GPRC5D: variants seen among roughly 807,000 people sequenced by gnomAD.
GPRC5D encodes G protein-coupled receptor class C group 5 member D.
A neutral mutation model predicts 29.3 loss-of-function variants in GPRC5D; 20 were observed. That is an observed-to-expected ratio of 0.68 (90% CI 0.48 to 0.99). The LOEUF (loss-of-function observed/expected upper bound fraction) is 0.99, where lower values mean the gene tolerates loss of function less well. GPRC5D is among the 50% of genes least tolerant of loss of function. The pLI, the probability that GPRC5D is intolerant of heterozygous loss-of-function variation, is 0.00. For missense variants in GPRC5D, 384 were observed against 423.6 expected (o/e 0.91, Z 0.82); for synonymous variants, 178 against 171.3 (o/e 1.04, Z -0.30).
At chr12:12,943,805 CA>C (rs1863209629) in intron 1 of GPRC5D, among the ~76,000 whole-genome samples, 1 of 152,190 alleles carries the variant, frequency 6.6e-6, no homozygotes, top group Non-Finnish European at 1.5e-5. Context: ...ACCAGATCAT[CA>C]GTTAGAAAAG....
At chr12:12,946,436 TTCTCTC>T (rs67343880) in intron 1 of GPRC5D, among the ~76,000 whole-genome samples, 6 of 142,438 alleles carry the variant, frequency 4.2e-5, no homozygotes, top group Admixed American at 7.1e-5. Context: ...CTTTCTCTCT[TTCTCTC>T]TCTCTCTCTC....
At chr12:12,948,743 T>C (rs1863415632) in intron 1 of GPRC5D, among the ~76,000 whole-genome samples, 1 of 152,350 alleles carries the variant, frequency 6.6e-6, no homozygotes, top group South Asian at 2.1e-4. Context: ...CTTGTTGCCA[T>C]GGATAATGTA....
At chr12:12,948,751 G>A (rs1863415870) in intron 1 of GPRC5D, among the ~76,000 whole-genome samples, 1 of 152,168 alleles carries the variant, frequency 6.6e-6, no homozygotes. Context: ...CATGGATAAT[G>A]TATTTTATTC....
chr12:12,949,620 C>T (rs752399230), exon 1 of GPRC5D: 4 of 1,614,192 alleles, frequency 2.5e-6, no homozygotes, highest in Non-Finnish European at 3.4e-6. Context: ...CGATGTACAG[C>T]AGCAGGAAAA....
At chr12:12,944,829 C>CTT (rs1863247481) in intron 1 of GPRC5D, among the ~76,000 whole-genome samples, 5 of 9,662 alleles carry the variant, frequency 5.2e-4, no homozygotes, top group East Asian at 5.2e-3. Flanking sequence ...TTCCTTCCTT[C>CTT]CTTCCTTCCT....
rs1477438810 is a variant in GPRC5D at position 12,940,795 on chromosome 12, G to A, written c.1018C>T (p.Gln340Ter). 1 of 1,605,306 alleles carries A rather than the reference G, an allele frequency of 6.2e-7. No individual in the cohort carries two copies. Among genetic ancestry groups the A allele is most frequent in the Non-Finnish European group, 8.5e-7 (1 of 1,172,006 alleles). ...TAGATTTATACTCCTCCTGCATCTT[G>A]CTGGGGGCTTAGTTTAGCCTGTGGG... The change falls in exon 3 of 3, where the codon CAA becomes TAA. Residue 340 changes from glutamine to a stop codon, truncating the protein, a stop_gained. Transcript: ENST00000228887. LOFTEE classifies it high-confidence loss of function.
chr12:12,945,266 A>G (rs1228049533), intron 1 of GPRC5D, among the ~76,000 whole-genome samples: 2 of 152,084 alleles, frequency 1.3e-5, no homozygotes, highest in African/African-American at 2.4e-5. Context: ...CGGCCTCCCA[A>G]AGTGCTGGGA....
chr12:12,946,009 A>G (rs1028484901), intron 1 of GPRC5D, among the ~76,000 whole-genome samples: 3 of 152,208 alleles, frequency 2.0e-5, no homozygotes, highest in Non-Finnish European at 4.4e-5. Flanking sequence ...ATGTTTTTGT[A>G]TCTTAAAATT....
intron 1 of GPRC5D, among the ~76,000 whole-genome samples, chr12:12,943,780 C>T (rs1863208966): frequency 6.6e-6 from 1 of 152,164 alleles, no homozygotes; most frequent in Non-Finnish European, 1.5e-5. Context: ...AACTTTCAGC[C>T]AACATTCTCA....
In GPRC5D at chr12:12,944,964, TTTCC is replaced by T. The variant is rs1208870376; in HGVS notation, c.896-2640_896-2637del. Among the ~76,000 whole-genome samples, 55 of 145,842 alleles carry T rather than the reference TTTCC, an allele frequency of 3.8e-4. 1 individual carries two copies. Among genetic ancestry groups the T allele is most frequent in the Admixed American group, 2.1e-3 (29 of 14,054 alleles). On this transcript the variant is annotated intron_variant, in intron 1 of 2. Transcript: ENST00000228887. ...CTTTCTTTCCTTTTCTTTCCTTTTC[TTTCC>T]TTTTCTTTTTCTCTCTCTCTCTTTC...
At chr12:12,943,939 G>A (rs1242926296) in intron 1 of GPRC5D, among the ~76,000 whole-genome samples, 1 of 152,144 alleles carries the variant, frequency 6.6e-6, no homozygotes, top group Non-Finnish European at 1.5e-5. Context: ...CCATTTATCT[G>A]TGGAGAAGGC....
At chr12:12,942,313 C>G (rs1863174049) in exon 2 of GPRC5D, 9 of 1,612,714 alleles carry the variant, frequency 5.6e-6, no homozygotes, top group Non-Finnish European at 7.6e-6. Context: ...CTCCTCAGCT[C>G]CATCACTGTC....
At chr12:12,950,109 G>T in exon 1 of GPRC5D, 1 of 1,614,146 alleles carries the variant, frequency 6.2e-7, no homozygotes, top group South Asian at 1.1e-5. Flanking sequence ...AGAGAAAGTA[G>T]CGTACGGGGG....
chr12:12,949,459 T>A (rs1592377765), intron 1 of GPRC5D, 31 bp downstream of exon 2: 2 of 1,566,012 alleles, frequency 1.3e-6, no homozygotes, highest in East Asian at 4.5e-5. Flanking sequence ...TAGGAGCACC[T>A]CCCTGCTCCC....
At chr12:12,944,885 C>CTTTCTTTCTT (rs1863264030) in intron 1 of GPRC5D, among the ~76,000 whole-genome samples, 1 of 127,504 alleles carries the variant, frequency 7.8e-6, no homozygotes, top group Non-Finnish European at 1.7e-5. Context: ...TTCTTTCTTT[C>CTTTCTTTCTT]TTTCTTTCTT....
chr12:12,948,826 A>G (rs922453862), intron 1 of GPRC5D, among the ~76,000 whole-genome samples: 3 of 152,226 alleles, frequency 2.0e-5, no homozygotes, highest in African/African-American at 7.2e-5. Context: ...TGAAAATGTC[A>G]CATAAGCAAG....
upstream of GPRC5D, among the ~76,000 whole-genome samples, chr12:12,950,750 T>G (rs1044512788): frequency 2.6e-5 from 4 of 151,812 alleles, no homozygotes; most frequent in Non-Finnish European, 5.9e-5. Flanking sequence ...GAGTTTACAT[T>G]GAGCCGAGAT....
upstream of GPRC5D, chr12:12,950,506 TTAAAAG>T: frequency 1.4e-6 from 1 of 704,288 alleles, no homozygotes; most frequent in Non-Finnish European, 2.4e-6. Context: ...CTTTTTGCTA[TTAAAAG>T]TAATGGCAAG....
At chr12:12,948,382 G>C (rs1316292069) in intron 1 of GPRC5D, 1 of 154,266 alleles carries the variant, frequency 6.5e-6, no homozygotes, top group Non-Finnish European at 1.5e-5. Context: ...GAACTGAAAA[G>C]AATCAATGGA....
Sources: gnomAD v4.1 joint callset for allele counts (sites outside exome capture counted in the v4.1 genomes callset) on GRCh38, gnomAD v4.1.1 for gene constraint, MANE v1.5 for transcripts, NCBI Gene and HGNC (gene_info 2026-07-23, HGNC 2026-07-21) for gene names.